The following RPS6KC1 variants were observed in gnomAD, a reference collection of about 807,000 sequenced individuals.
The protein encoded by RPS6KC1 is ribosomal protein S6 kinase C1, also known as inactive ribosomal protein S6 kinase delta-1.
RPS6KC1 carries 54 observed loss-of-function variants against 103.8 expected under a neutral mutation model. That is an observed-to-expected ratio of 0.52 (90% CI 0.42 to 0.65). The LOEUF is 0.65. RPS6KC1 is among the 30% of genes least tolerant of loss of function. The pLI, the probability that RPS6KC1 is intolerant of heterozygous loss-of-function variation, is 0.00. For synonymous variants in RPS6KC1, 439 were observed against 438.7 expected, an observed-to-expected ratio of 1.00 and a Z score of -0.01; for missense variants, 1,151 against 1,253.8, an observed-to-expected ratio of 0.92 and a Z score of 1.24.
At chr1:213,058,472 G>T (rs1418099972) in intron 1 of RPS6KC1, among the ~76,000 whole-genome samples, 1 of 151,282 alleles carries the variant, frequency 6.6e-6, no homozygotes, top group Non-Finnish European at 1.5e-5. Context: ...AAGGTGTAAG[G>T]TTTGGGTGAA....
intron 3 of RPS6KC1, among the ~76,000 whole-genome samples, chr1:213,103,974 T>G (rs2082246224): frequency 6.6e-6 from 1 of 152,182 alleles, no homozygotes; most frequent in Non-Finnish European, 1.5e-5. Context: ...GCATAAAAGC[T>G]TTTTGCTTCA....
chr1:213,789,732 ACAGTGACAAGAAAG>A, the RPS6KC1 span, among the ~76,000 whole-genome samples: 1 of 152,208 alleles, frequency 6.6e-6, no homozygotes, highest in East Asian at 1.9e-4. Context: ...ATCTACTAGA[ACAGTGACAAGAAAG>A]CAGTGACAAG....
At chr1:213,456,210 C>T in the RPS6KC1 span, among the ~76,000 whole-genome samples, 86 of 152,324 alleles carry the variant, frequency 5.6e-4, 1 homozygote, top group Middle Eastern at 6.8e-3. Context: ...TGTTGGGCTG[C>T]TGCCTTAGTC....
At chr1:213,190,089 A>G (rs368742767) in intron 8 of RPS6KC1, among the ~76,000 whole-genome samples, 1 of 152,154 alleles carries the variant, frequency 6.6e-6, no homozygotes, top group East Asian at 1.9e-4. Flanking sequence ...AATCTTGGCT[A>G]TTGTGAATAG....
chr1:213,280,562 T>G, the RPS6KC1 span, among the ~76,000 whole-genome samples: 1 of 152,178 alleles, frequency 6.6e-6, no homozygotes, highest in African/African-American at 2.4e-5. Context: ...TGTGTTTTCT[T>G]TAAAACTGGG....
At chr1:213,500,800 A>T in the RPS6KC1 span, among the ~76,000 whole-genome samples, 1 of 152,214 alleles carries the variant, frequency 6.6e-6, no homozygotes, top group Non-Finnish European at 1.5e-5. Flanking sequence ...AAACATATGA[A>T]CAATAAAGTA....
the RPS6KC1 span, among the ~76,000 whole-genome samples, chr1:213,548,224 AG>A: frequency 6.6e-6 from 1 of 152,250 alleles, no homozygotes; most frequent in African/African-American, 2.4e-5. Context: ...TGTTGGGCAA[AG>A]AAATTTTAGA....
At chr1:213,176,715 T>G (rs985243287) in intron 8 of RPS6KC1, 5 of 332,606 alleles carry the variant, frequency 1.5e-5, no homozygotes, top group Non-Finnish European at 2.8e-5. Context: ...GGCGCATATT[T>G]GTTGGCATTC....
the RPS6KC1 span, among the ~76,000 whole-genome samples, chr1:213,356,863 C>G: frequency 2.0e-5 from 3 of 152,114 alleles, no homozygotes; most frequent in Non-Finnish European, 4.4e-5. Flanking sequence ...GTTCTCAAAA[C>G]TTGTCTTTAG....
chr1:213,210,588 G>A (rs2093476891), intron 8 of RPS6KC1, among the ~76,000 whole-genome samples: 1 of 152,132 alleles, frequency 6.6e-6, no homozygotes, highest in African/African-American at 2.4e-5. Flanking sequence ...GTGCCTTTGT[G>A]TTTCATATGT....
the RPS6KC1 span, among the ~76,000 whole-genome samples, chr1:213,400,643 CA>C: frequency 1.3e-5 from 2 of 152,036 alleles, no homozygotes; most frequent in African/African-American, 4.8e-5. Context: ...GTCCTGACAC[CA>C]AGTTCCCTGT....
chr1:213,693,104 T>TGG, the RPS6KC1 span, among the ~76,000 whole-genome samples: 2 of 152,054 alleles, frequency 1.3e-5, no homozygotes, highest in Admixed American at 1.3e-4. Context: ...AGACTATATC[T>TGG]GCTTTCTCTC....
the RPS6KC1 span, among the ~76,000 whole-genome samples, chr1:213,643,519 G>C: frequency 2.6e-5 from 4 of 151,258 alleles, no homozygotes; most frequent in Admixed American, 6.6e-5. Context: ...AATGTACTTA[G>C]GAGTTTCAGC....
At chr1:213,277,304 G>GC (rs1308861294), downstream of RPS6KC1, among the ~76,000 whole-genome samples, 1 of 152,212 alleles carries the variant, frequency 6.6e-6, no homozygotes, top group Non-Finnish European at 1.5e-5. Flanking sequence ...TTATGATCCT[G>GC]CTGGTGATAT....
At chr1:213,296,589 G>T in the RPS6KC1 span, among the ~76,000 whole-genome samples, 1 of 152,206 alleles carries the variant, frequency 6.6e-6, no homozygotes, top group Non-Finnish European at 1.5e-5. Flanking sequence ...ATAAACCTTT[G>T]TTCTGAATGC....
Position 213,262,829 on chromosome 1 carries a change from AC to A in RPS6KC1, c.3090+15del. ...ACTCATTCAACAGGTAATTTAACTG[AC>A]CTATTGGCCAGGTTTATCAACCATG... On this transcript the variant is annotated intron_variant, in intron 14 of 14. Coordinates refer to ENST00000366960, the MANE Select transcript of RPS6KC1 (RefSeq NM_012424.6). 6.7e-7 allele frequency: 1 copy of A among 1,490,824 alleles called. No individual in the cohort carries two copies. The highest frequency in any genetic ancestry group is 9.4e-7 in the Non-Finnish European group (1 of 1,067,336). The allele number at this position is 1,490,824 out of a possible 1,614,324, so 92.3% of individuals were successfully genotyped here. A position where few individuals can be genotyped will look rare whatever the true frequency, so the allele number is the denominator to read the frequency against.
the RPS6KC1 span, among the ~76,000 whole-genome samples, chr1:213,556,724 G>A: frequency 1.3e-5 from 2 of 152,176 alleles, no homozygotes; most frequent in Non-Finnish European, 2.9e-5. Flanking sequence ...TATTTTAAAA[G>A]GTATTGCTTA....
chr1:213,809,077 C>T, the RPS6KC1 span, among the ~76,000 whole-genome samples: 1 of 152,196 alleles, frequency 6.6e-6, no homozygotes, highest in African/African-American at 2.4e-5. Context: ...CAATGTGCCT[C>T]CCTCACTAAA....
the RPS6KC1 span, among the ~76,000 whole-genome samples, chr1:213,669,361 G>T: frequency 5.8e-4 from 88 of 152,236 alleles, 1 homozygote; most frequent in Middle Eastern, 6.8e-3. Context: ...AGAGAGAAAG[G>T]GGGGTGGCCA....
Sources: gnomAD v4.1 joint callset for allele counts (sites outside exome capture counted in the v4.1 genomes callset) on GRCh38, gnomAD v4.1.1 for gene constraint, MANE v1.5 for transcripts, NCBI Gene and HGNC (gene_info 2026-07-23, HGNC 2026-07-21) for gene names.